Variants in DDX47 observed in about 807,000 individuals in gnomAD.
The protein encoded by DDX47 is DEAD-box helicase 47, also known as probable ATP-dependent RNA helicase DDX47.
Under a neutral mutation model 58.8 loss-of-function variants are expected in DDX47, and 60 were observed. That is an observed-to-expected ratio of 1.02 (90% CI 0.83 to 1.26). The LOEUF (loss-of-function observed/expected upper bound fraction) is 1.26. Ranked by LOEUF, DDX47 falls within the 50% of genes most tolerant of loss-of-function variation. DDX47 has a pLI of 0.00. For missense variants in DDX47, 530 were observed against 573.2 expected, an observed-to-expected ratio of 0.92 and a Z score of 0.77; for synonymous variants, 197 against 204.6, an observed-to-expected ratio of 0.96 and a Z score of 0.32.
chr12:12,820,869 G>T, intron 2 of DDX47: 1 of 293,870 alleles, frequency 3.4e-6, no homozygotes, highest in South Asian at 3.5e-5. Context: ...TCCCTTCTTT[G>T]CTTACTTCCA....
chr12:12,822,859 C>T (rs1220440096), intron 6 of DDX47, 127 bp downstream of exon 6: 1 of 793,464 alleles, frequency 1.3e-6, no homozygotes, highest in Non-Finnish European at 2.1e-6. Flanking sequence ...CTATCTGAGA[C>T]TAGGTAATTT....
rs768259934 is a variant in DDX47, at chr12:12,823,176, G to A, written c.634-27G>A. ...AAATAAAGAGTGTTTAGGCATCAGT[G>A]TGCTATTCTGGATCTTCTTCCTTCA... On this transcript the variant is annotated intron_variant, in intron 6 of 11. Coordinates refer to ENST00000358007, the MANE Select transcript of DDX47 (RefSeq NM_016355.4). 5.0e-6 allele frequency: 7 copies of A among 1,387,554 alleles called. No individual in the cohort carries two copies. The East Asian group carries it at 9.1e-5, about 18-fold the overall frequency. The allele number at this position is 1,387,554 out of a possible 1,614,324, so 86.0% of individuals were successfully genotyped here.
chr12:12,827,853 A>G (rs1013605346), intron 11 of DDX47, among the ~76,000 whole-genome samples: 2 of 150,750 alleles, frequency 1.3e-5, no homozygotes, highest in Non-Finnish European at 2.9e-5. Context: ...ATCCAAAACC[A>G]AGATCCAAAA....
chr12:12,821,323 C>G lies in DDX47; in HGVS notation c.297C>G (p.Thr99=), dbSNP rs1473997033. Residue 99 remains threonine (T), a synonymous_variant, in exon 3 of 12, where the codon ACC becomes ACG. Coordinates refer to ENST00000358007, the MANE Select transcript of DDX47 (RefSeq NM_016355.4). ...TPQRLFALVL[T]PTRELAFQIS... is the part of the protein sequence containing the mutation. The stretch of plus-strand genomic sequence containing the variant: ...AGCGTTTGTTTGCCCTAGTTCTTAC[C>G]CCGACTCGGGAGCTGGCCTTTCAGA... 6.2e-7 allele frequency: 1 copy of G among 1,614,052 alleles called. No individual in the cohort carries two copies. The highest frequency in any genetic ancestry group is 2.2e-5 in the East Asian group (1 of 44,892).
intron 9 of DDX47, chr12:12,824,909 C>G: frequency 2.4e-6 from 1 of 424,792 alleles, no homozygotes; most frequent in Non-Finnish European, 4.2e-6. Context: ...ATAGAAGGGG[C>G]TGGTGCGCCA....
Position 12,814,220 on chromosome 12 carries a change from A to T in DDX47, c.177A>T (p.Leu59Phe). 4 of 1,601,496 alleles carry T rather than the reference A, an allele frequency of 2.5e-6. No individual in the cohort carries two copies. Among genetic ancestry groups the T allele is most frequent in the Non-Finnish European group, 3.4e-6 (4 of 1,168,540 alleles). The change falls in exon 2 of 12, where the codon TTA becomes TTT. Residue 59 changes from leucine (L) to phenylalanine (F), a missense_variant. Coordinates refer to ENST00000358007, the MANE Select transcript of DDX47 (RefSeq NM_016355.4). Reference sequence around the variant, plus strand: ...AGATTGAAGCTATTCCTTTGGCCTTACAAGGTAGGTTGTATGACTTCGTAC... The same window carrying T: ...AGATTGAAGCTATTCCTTTGGCCTTTCAAGGTAGGTTGTATGACTTCGTAC... Reference protein sequence around the residue: ...KIQIEAIPLALQGRDIIGLAE... With the variant: ...KIQIEAIPLAFQGRDIIGLAE...
In DDX47 at chr12:12,821,331, G is replaced by A. The variant is rs777144660; in HGVS notation, c.305G>A (p.Arg102Gln). 27 of 1,614,050 alleles carry A rather than the reference G, an allele frequency of 1.7e-5. No individual in the cohort carries two copies. Among genetic ancestry groups the A allele is most frequent in the Non-Finnish European group, 2.2e-5 (26 of 1,180,040 alleles). The change falls in exon 3 of 12, where the codon CGG (arginine) becomes CAG (glutamine). Residue 102 changes from arginine to glutamine, a missense_variant. Physicochemically the swap from Arg to Gln is conservative, Grantham distance 43. Transcript: ENST00000358007. ...TTTGCCCTAGTTCTTACCCCGACTC[G>A]GGAGCTGGCCTTTCAGATCTCAGAG... Reference protein sequence around the residue: ...RLFALVLTPTRELAFQISEQF... With the variant: ...RLFALVLTPTQELAFQISEQF...
intron 11 of DDX47, 48 bp downstream of exon 11, chr12:12,827,423 T>G (rs1033937809): frequency 6.3e-7 from 1 of 1,597,868 alleles, no homozygotes; most frequent in African/African-American, 1.3e-5. Flanking sequence ...CAATGTTAAC[T>G]GTGTGCCACT....
chr12:12,821,859 G>A, intron 4 of DDX47, 106 bp from the exon 5 acceptor site: 1 of 1,130,300 alleles, frequency 8.8e-7, no homozygotes, highest in Non-Finnish European at 1.3e-6. Flanking sequence ...GTTAAATTTG[G>A]TGGAGAGCTG....
intron 2 of DDX47, among the ~76,000 whole-genome samples, chr12:12,819,552 C>T (rs748620163): frequency 3.9e-5 from 6 of 152,144 alleles, no homozygotes; most frequent in Non-Finnish European, 7.4e-5. Context: ...GAGCTCCAAA[C>T]AAGTATGTCC....
At position 12,829,563 on chromosome 12, in the gene DDX47, A is replaced by T. The variant is rs1219721154; in HGVS notation, c.*9A>T. ...AGCGGAAAGGCCGTTAATCACTTTT[A>T]TGAAGGCTCGAGTTCTGCTGTTCTG... On this transcript the variant is annotated 3_prime_UTR_variant, in exon 12 of 12. Coordinates refer to ENST00000358007, the MANE Select transcript of DDX47 (RefSeq NM_016355.4). 6.2e-7 allele frequency: 1 copy of T among 1,612,936 alleles called. No individual in the cohort carries two copies.
At chr12:12,822,854 T>G (rs1862993485) in intron 6 of DDX47, 122 bp downstream of exon 6, 1 of 806,682 alleles carries the variant, frequency 1.2e-6, no homozygotes, top group African/African-American at 1.7e-5. Context: ...AAGAACTATC[T>G]GAGACTAGGT....
chr12:12,823,805 A>G (rs983838591), intron 7 of DDX47, 65 bp from the exon 8 acceptor site: 18 of 1,506,190 alleles, frequency 1.2e-5, no homozygotes, highest in Non-Finnish European at 1.6e-5. Flanking sequence ...CCTTATGTAT[A>G]TGCCAGGTCT....
intron 11 of DDX47, among the ~76,000 whole-genome samples, chr12:12,828,096 A>G (rs1863083453): frequency 6.6e-6 from 1 of 151,756 alleles, no homozygotes. Flanking sequence ...GACCTCAGGT[A>G]ATCCCCCCGC....
Position 12,824,572 on chromosome 12 carries a change from G to A in DDX47, c.930G>A (p.Lys310=). Residue 310 remains lysine (K), a synonymous_variant, in exon 9 of 12, where the codon AAG becomes AAA. Coordinates refer to ENST00000358007, the MANE Select transcript of DDX47 (RefSeq NM_016355.4). ...GCCTAGGATCCCTTAATAAGTTTAA[G>A]GCCAAGGCCCGTTCCATTCTTCTAG... is the stretch of plus-strand genomic sequence containing the variant. ...SKRLGSLNKF[K]AKARSILLAT... 6.2e-7 allele frequency: 1 copy of A among 1,613,770 alleles called. No individual in the cohort carries two copies. The highest frequency in any genetic ancestry group is 8.5e-7 in the Non-Finnish European group (1 of 1,179,900).
At position 12,829,475 on chromosome 12, in the gene DDX47, A is replaced by T. The variant is rs545842625; in HGVS notation, c.1289A>T (p.Asp430Val). Residue 430 changes from aspartate to valine, a missense_variant, in exon 12 of 12, where the codon GAT (aspartate) becomes GTT (valine). Transcript: ENST00000358007. ...AAACGCTCGCGAGAGGATGCTGGAGATAATGATGACACAGAGGGTGCTATT... is the reference window on the plus strand; with the variant it reads ...AAACGCTCGCGAGAGGATGCTGGAGTTAATGATGACACAGAGGGTGCTATT... Reference protein sequence around the residue: ...KKKRSREDAGDNDDTEGAIGV... With the variant: ...KKKRSREDAGVNDDTEGAIGV... 45 of 1,613,988 alleles carry T rather than the reference A, an allele frequency of 2.8e-5. No individual in the cohort carries two copies. The South Asian group carries it at 4.5e-4, about 16-fold the overall frequency.
Position 12,823,968 on chromosome 12 carries a change from G to A in DDX47, c.849G>A (p.Leu283=). The part of the protein sequence containing the change: ...CNNTQRTALL[L]RNLGFTAIPL... ...ATACCCAGAGAACAGCTTTGCTACT[G>A]CGAAATCTTGGCTTCACTGCCATCC... The change falls in exon 8 of 12, where the codon CTG becomes CTA. Residue 283 remains leucine (L), a synonymous_variant. Transcript: ENST00000358007. 2 of 1,614,108 alleles carry A rather than the reference G, an allele frequency of 1.2e-6. No individual in the cohort carries two copies. Among genetic ancestry groups the A allele is most frequent in the Non-Finnish European group, 1.7e-6 (2 of 1,180,026 alleles).
intron 3 of DDX47, 56 bp downstream of exon 3, chr12:12,821,452 G>A (rs967722231): frequency 6.3e-7 from 1 of 1,588,468 alleles, no homozygotes; most frequent in African/African-American, 1.3e-5. Context: ...AAGAATGAGT[G>A]TGGAGGAAGG....
intron 2 of DDX47, among the ~76,000 whole-genome samples, chr12:12,819,658 C>G (rs1464794377): frequency 6.6e-6 from 1 of 152,156 alleles, no homozygotes; most frequent in Admixed American, 6.5e-5. Context: ...AGACATATCT[C>G]TTTGAGTTTA....
Sources: gnomAD v4.1 joint callset for allele counts (sites outside exome capture counted in the v4.1 genomes callset) on GRCh38, gnomAD v4.1.1 for gene constraint, MANE v1.5 for transcripts, NCBI Gene and HGNC (gene_info 2026-07-23, HGNC 2026-07-21) for gene names.